Variants in RAB7A observed in about 807,000 individuals in gnomAD.
The protein encoded by RAB7A is ras-related protein Rab-7a.
A neutral mutation model predicts 24.5 loss-of-function variants in RAB7A; 2 were observed. The observed-to-expected ratio is 0.08, with a 90% CI of 0.03 to 0.26. The LOEUF (loss-of-function observed/expected upper bound fraction) is 0.26. Ranked by LOEUF, RAB7A falls within the 10% of genes least tolerant of loss-of-function variation. The pLI, the probability that RAB7A is intolerant of heterozygous loss-of-function variation, is 1.00. For synonymous variants in RAB7A, 100 were observed against 95.9 expected (o/e 1.04, Z -0.25); for missense variants, 118 against 255.7 (o/e 0.46, Z 3.67).
intron 3 of RAB7A, among the ~76,000 whole-genome samples, chr3:128,799,746 C>T (rs1933659795): frequency 6.6e-6 from 1 of 152,168 alleles, no homozygotes; most frequent in African/African-American, 2.4e-5. Context: ...AAGCTTGTGT[C>T]TGCAGTTGTT....
intron 5 of RAB7A, among the ~76,000 whole-genome samples, chr3:128,811,019 A>T (rs1264451121): frequency 1.3e-5 from 2 of 151,650 alleles, no homozygotes. Context: ...GCACCATTGC[A>T]CTCCAGCCTG....
chr3:128,761,675 C>G (rs774375369), intron 1 of RAB7A, among the ~76,000 whole-genome samples: 3 of 152,178 alleles, frequency 2.0e-5, no homozygotes, highest in Non-Finnish European at 4.4e-5. Context: ...CAGATTTGCC[C>G]TCTGGAAAAA....
intron 1 of RAB7A, among the ~76,000 whole-genome samples, chr3:128,769,720 G>C (rs1430992504): frequency 1.3e-5 from 2 of 152,174 alleles, no homozygotes. Flanking sequence ...AAAGATCTTA[G>C]TTGGCTTTTA....
At chr3:128,737,607 A>G (rs2070502780) in intron 1 of RAB7A, among the ~76,000 whole-genome samples, 1 of 150,510 alleles carries the variant, frequency 6.6e-6, no homozygotes, top group South Asian at 2.1e-4. Context: ...CAGCCTCCCA[A>G]GGTGCTGGGA....
intron 1 of RAB7A, among the ~76,000 whole-genome samples, chr3:128,778,180 CT>C (rs1933137823): frequency 1.3e-5 from 2 of 152,302 alleles, no homozygotes; most frequent in South Asian, 4.1e-4. Context: ...TATAGTAGAA[CT>C]GTCCAATATA....
intron 3 of RAB7A, among the ~76,000 whole-genome samples, chr3:128,801,999 G>A (rs1933708883): frequency 1.3e-5 from 2 of 152,222 alleles, no homozygotes; most frequent in Non-Finnish European, 2.9e-5. Flanking sequence ...GAGATGGGCA[G>A]CACAGTGTTC....
At chr3:128,742,679 C>G (rs1487301775) in intron 1 of RAB7A, among the ~76,000 whole-genome samples, 1 of 152,002 alleles carries the variant, frequency 6.6e-6, no homozygotes, top group Non-Finnish European at 1.5e-5. Flanking sequence ...GGTGCGTTTA[C>G]AAACCTTGAG....
At chr3:128,743,866 T>C (rs991598107) in intron 1 of RAB7A, among the ~76,000 whole-genome samples, 1 of 151,502 alleles carries the variant, frequency 6.6e-6, no homozygotes, top group African/African-American at 2.4e-5. Context: ...TTCGGCTCAC[T>C]GCAACCTCCA....
At chr3:128,794,028 G>GC (rs1379690342) in intron 1 of RAB7A, among the ~76,000 whole-genome samples, 2 of 152,172 alleles carry the variant, frequency 1.3e-5, no homozygotes, top group African/African-American at 4.8e-5. Context: ...AGCAAATCCT[G>GC]CCCTTTAGGA....
intron 1 of RAB7A, among the ~76,000 whole-genome samples, chr3:128,742,538 A>G (rs2070565199): frequency 6.6e-6 from 1 of 152,212 alleles, no homozygotes; most frequent in Admixed American, 6.5e-5. Flanking sequence ...ATCTAGACAC[A>G]GAGTGCTGAT....
chr3:128,795,307 T>C (rs372289310), intron 1 of RAB7A, 53 bp from the exon 2 acceptor site: 7 of 1,475,956 alleles, frequency 4.7e-6, no homozygotes, highest in Non-Finnish European at 6.6e-6. Context: ...GGGAGGTGTT[T>C]TGTTTTGGTG....
At chr3:128,795,548 C>A in intron 2 of RAB7A, 128 bp downstream of exon 2, 1 of 844,430 alleles carries the variant, frequency 1.2e-6, no homozygotes, top group Non-Finnish European at 2.0e-6. Flanking sequence ...ATGTTTCCCT[C>A]CACGGCAGAA....
intron 1 of RAB7A, among the ~76,000 whole-genome samples, chr3:128,758,167 T>C (rs564262000): frequency 1.7e-4 from 26 of 152,274 alleles, no homozygotes; most frequent in African/African-American, 5.8e-4. Context: ...TCTCACTATA[T>C]TGGTTAGGCT....
At chr3:128,801,139 T>TA (rs1237423341) in intron 3 of RAB7A, among the ~76,000 whole-genome samples, 1 of 152,214 alleles carries the variant, frequency 6.6e-6, no homozygotes, top group Non-Finnish European at 1.5e-5. Context: ...GAGTTTCAGT[T>TA]ATATGAGATG....
chr3:128,806,286 C>G (rs1171743180), intron 3 of RAB7A, 86 bp from the exon 4 acceptor site: 2 of 1,268,410 alleles, frequency 1.6e-6, no homozygotes, highest in Non-Finnish European at 2.2e-6. Flanking sequence ...CACAATCTAG[C>G]CTATTTCTTC....
chr3:128,773,821 CA>C (rs1166307167), intron 1 of RAB7A, among the ~76,000 whole-genome samples: 1 of 152,120 alleles, frequency 6.6e-6, no homozygotes, highest in African/African-American at 2.4e-5. Context: ...TGTGTCCACT[CA>C]GGGTTAAATG....
chr3:128,731,147 A>T (rs2070432129), intron 1 of RAB7A, among the ~76,000 whole-genome samples: 1 of 152,240 alleles, frequency 6.6e-6, no homozygotes, highest in Non-Finnish European at 1.5e-5. Flanking sequence ...GTAAATAGTT[A>T]CATCATTGAT....
intron 1 of RAB7A, among the ~76,000 whole-genome samples, chr3:128,739,715 T>G (rs550205533): frequency 1.3e-5 from 2 of 152,328 alleles, no homozygotes; most frequent in South Asian, 4.1e-4. Context: ...CTGTATAATA[T>G]TGATCATAAT....
At chr3:128,787,541 C>A (rs1029230725) in intron 1 of RAB7A, among the ~76,000 whole-genome samples, 1 of 152,180 alleles carries the variant, frequency 6.6e-6, no homozygotes, top group Non-Finnish European at 1.5e-5. Context: ...TCTGCCACTT[C>A]GTTGCTGTCT....
Sources: allele counts gnomAD v4.1 joint callset (sites outside exome capture counted in the v4.1 genomes callset), GRCh38; gene constraint gnomAD v4.1.1; transcripts MANE v1.5; gene names NCBI Gene and HGNC (gene_info 2026-07-23, HGNC 2026-07-21).